The following DLG2 variants were observed in gnomAD, a reference collection of about 807,000 sequenced individuals.
The protein encoded by DLG2 is disks large homolog 2.
In DLG2, 45 loss-of-function variants were observed where a neutral mutation model predicts 132.5. The observed-to-expected ratio is 0.34, with a 90% CI of 0.27 to 0.44. DLG2 has a LOEUF of 0.44. Ranked by LOEUF, DLG2 falls within the 20% of genes least tolerant of loss-of-function variation. DLG2 has a pLI of 1.00. For missense variants in DLG2, 1,045 were observed against 1,196.9 expected (o/e 0.87, Z 1.87); for synonymous variants, 424 against 419.6 (o/e 1.01, Z -0.13).
At chr11:84,075,647 T>C (rs1207720710) in intron 10 of DLG2, among the ~76,000 whole-genome samples, 1 of 152,168 alleles carries the variant, frequency 6.6e-6, no homozygotes, top group Admixed American at 6.5e-5. Flanking sequence ...CAACAGATAA[T>C]GCTAGATTGC....
intron 3 of DLG2, among the ~76,000 whole-genome samples, chr11:85,421,106 AG>A: frequency 6.6e-6 from 1 of 152,192 alleles, no homozygotes; most frequent in Non-Finnish European, 1.5e-5. Flanking sequence ...TAGGCACCTG[AG>A]GGAATCTCCT....
At chr11:84,679,734 T>C (rs1369913310) in intron 6 of DLG2, among the ~76,000 whole-genome samples, 1 of 152,130 alleles carries the variant, frequency 6.6e-6, no homozygotes, top group East Asian at 1.9e-4. Context: ...ACTAGTGCGA[T>C]TGTGAGCCTT....
At chr11:83,574,462 A>G (rs1438776387) in intron 19 of DLG2, among the ~76,000 whole-genome samples, 1 of 152,222 alleles carries the variant, frequency 6.6e-6, no homozygotes, top group Non-Finnish European at 1.5e-5. Context: ...GATATACAAT[A>G]TAGTCATTTT....
At chr11:85,275,709 G>T (rs2077846385) in intron 4 of DLG2, among the ~76,000 whole-genome samples, 1 of 152,008 alleles carries the variant, frequency 6.6e-6, no homozygotes, top group Non-Finnish European at 1.5e-5. Flanking sequence ...GCTTCCTTTA[G>T]ATTAGACAGT....
chr11:85,030,016 A>G (rs181455224), intron 6 of DLG2, among the ~76,000 whole-genome samples: 2 of 152,200 alleles, frequency 1.3e-5, no homozygotes, highest in Non-Finnish European at 2.9e-5. Context: ...TCTGTTTTAT[A>G]TATGTCACTT....
At chr11:84,001,047 A>C (rs554697314) in intron 11 of DLG2, among the ~76,000 whole-genome samples, 1 of 152,240 alleles carries the variant, frequency 6.6e-6, no homozygotes, top group East Asian at 1.9e-4. Context: ...CATACAGAAC[A>C]ACCAAAACAC....
chr11:84,475,649 G>T (rs952563979), intron 7 of DLG2, among the ~76,000 whole-genome samples: 3 of 152,048 alleles, frequency 2.0e-5, no homozygotes, highest in African/African-American at 7.2e-5. Context: ...ACAAATCAGG[G>T]ACCCCCAATT....
intron 3 of DLG2, among the ~76,000 whole-genome samples, chr11:85,460,906 AG>A (rs1459940737): frequency 6.6e-6 from 1 of 152,070 alleles, no homozygotes; most frequent in African/African-American, 2.4e-5. Flanking sequence ...ATTTGGGATG[AG>A]GGTTGAGGTT....
intron 7 of DLG2, among the ~76,000 whole-genome samples, chr11:84,496,907 CT>C (rs1567787318): frequency 6.6e-6 from 1 of 152,068 alleles, no homozygotes; most frequent in Non-Finnish European, 1.5e-5. Flanking sequence ...ATACTTCATT[CT>C]ATTTACTTAA....
intron 6 of DLG2, among the ~76,000 whole-genome samples, chr11:84,953,009 T>C (rs1185472593): frequency 6.6e-6 from 1 of 152,240 alleles, no homozygotes; most frequent in Admixed American, 6.5e-5. Flanking sequence ...TCATGAAATC[T>C]TTCCCACCTT....
At chr11:85,196,207 A>G (rs182585635) in intron 4 of DLG2, among the ~76,000 whole-genome samples, 1 of 152,332 alleles carries the variant, frequency 6.6e-6, no homozygotes, top group Non-Finnish European at 1.5e-5. Flanking sequence ...CATTTTCATT[A>G]TCTTCAAAAT....
At chr11:85,572,529 C>A (rs1228355917) in intron 3 of DLG2, among the ~76,000 whole-genome samples, 1 of 152,144 alleles carries the variant, frequency 6.6e-6, no homozygotes, top group Non-Finnish European at 1.5e-5. Context: ...TATTTCCATT[C>A]CTTATTTTCC....
intron 15 of DLG2, among the ~76,000 whole-genome samples, chr11:83,875,408 G>A (rs1054468572): frequency 6.6e-6 from 1 of 152,140 alleles, no homozygotes; most frequent in African/African-American, 2.4e-5. Context: ...ATACAGAGAG[G>A]ATTAGAAAGT....
chr11:84,406,187 G>A (rs1262621982), intron 7 of DLG2, among the ~76,000 whole-genome samples: 2 of 152,074 alleles, frequency 1.3e-5, no homozygotes, highest in African/African-American at 4.8e-5. Flanking sequence ...CTGATTACCT[G>A]AATATGCCCA....
intron 11 of DLG2, among the ~76,000 whole-genome samples, chr11:84,042,024 G>A (rs894962854): frequency 7.9e-5 from 12 of 151,890 alleles, no homozygotes; most frequent in African/African-American, 2.9e-4. Context: ...CCCCAGCCAC[G>A]TGAAACTGTA....
At chr11:85,045,202 G>C (rs2062223258) in intron 6 of DLG2, among the ~76,000 whole-genome samples, 1 of 152,006 alleles carries the variant, frequency 6.6e-6, no homozygotes, top group South Asian at 2.1e-4. Flanking sequence ...GGTTGCAATT[G>C]AGAAAAGGGG....
intron 12 of DLG2, among the ~76,000 whole-genome samples, chr11:83,972,982 G>A (rs938077925): frequency 2.6e-5 from 4 of 152,040 alleles, no homozygotes; most frequent in African/African-American, 9.7e-5. Flanking sequence ...AAGAAAGAGA[G>A]CAAGCAAGAG....
rs578093996 is a variant in DLG2 at position 84,206,308 on chromosome 11, C to G, written c.574-42797G>C. Among the ~76,000 whole-genome samples, 12 of 152,108 alleles carry G rather than the reference C, an allele frequency of 7.9e-5. 1 individual carries two copies. The South Asian group carries it at 2.3e-3, about 29-fold the overall frequency. ...CACATGGCCTTGCTTGTAAATTCTA[C>G]CAAATATGTAAAGAAGAAATAACAC... On this transcript the variant is annotated intron_variant, in intron 8 of 27. Transcript: ENST00000376104.
chr11:85,507,152 G>C (rs573361309), intron 3 of DLG2, among the ~76,000 whole-genome samples: 3 of 152,258 alleles, frequency 2.0e-5, no homozygotes, highest in Admixed American at 6.5e-5. Context: ...GATGGGTCTT[G>C]ACTCTTTGTC....
Sources: gnomAD v4.1 joint callset for allele counts (sites outside exome capture counted in the v4.1 genomes callset) on GRCh38, gnomAD v4.1.1 for gene constraint, MANE v1.5 for transcripts, NCBI Gene and HGNC (gene_info 2026-07-23, HGNC 2026-07-21) for gene names.